ERG: variants seen among roughly 807,000 people sequenced by gnomAD.
The protein encoded by ERG is ETS transcription factor ERG.
A neutral mutation model predicts 55.3 loss-of-function variants in ERG; 9 were observed. That is an observed-to-expected ratio of 0.16 (90% confidence interval 0.10 to 0.28). The LOEUF is 0.28. Among genes scored for constraint, ERG ranks in the 10% least tolerant of loss-of-function variants. The pLI is 1.00. For synonymous variants in ERG, 223 were observed against 237.3 expected (o/e 0.94, Z 0.55); for missense variants, 434 against 631.6 (o/e 0.69, Z 3.35).
At chr21:38,461,308 A>G (rs1231777048) in intron 1 of ERG, among the ~76,000 whole-genome samples, 3 of 152,032 alleles carry the variant, frequency 2.0e-5, no homozygotes, top group Non-Finnish European at 2.9e-5. Flanking sequence ...CTCTTTTTAT[A>G]AGGACATCAG....
intron 1 of ERG, among the ~76,000 whole-genome samples, chr21:38,581,533 A>T (rs561866876): frequency 8.3e-4 from 127 of 152,348 alleles, no homozygotes; most frequent in Admixed American, 2.5e-3. Flanking sequence ...ATTGCAAGAA[A>T]GAGTGAGTCT....
chr21:38,554,591 T>C (rs1226869340), intron 2 of ERG, among the ~76,000 whole-genome samples: 14 of 152,102 alleles, frequency 9.2e-5, no homozygotes, highest in Admixed American at 9.2e-4. Flanking sequence ...AAATACCACA[T>C]GTTTTCACTT....
chr21:38,572,098 T>C (rs911637546), intron 2 of ERG, among the ~76,000 whole-genome samples: 1 of 151,804 alleles, frequency 6.6e-6, no homozygotes, highest in African/African-American at 2.4e-5. Flanking sequence ...GGCTCACGCC[T>C]GTAATCCCAG....
chr21:38,433,849 G>A lies in ERG; in HGVS notation c.237-10288C>T, dbSNP rs570702626. ...TCAATATGTCTTCTTCTTTGAGTCA[G>A]TGGAGGCAAACCCGCTAATCCTGTC... On this transcript the variant is annotated intron_variant, in intron 2 of 9. Coordinates refer to ENST00000288319, the MANE Select transcript of ERG (RefSeq NM_182918.4). Among the ~76,000 whole-genome samples the A allele has an allele frequency of 2.6e-5, 4 of 152,304 alleles. No homozygotes were observed. In the East Asian group the frequency reaches 7.7e-4, roughly 29 times the overall value.
chr21:38,650,457 G>A (rs546759366), intron 1 of ERG, among the ~76,000 whole-genome samples: 16 of 152,192 alleles, frequency 1.1e-4, no homozygotes, highest in South Asian at 4.2e-4. Flanking sequence ...GCAACATGGC[G>A]AAACCCTGTC....
chr21:38,619,010 C>CAAAGTAG (rs2060274856), intron 1 of ERG, among the ~76,000 whole-genome samples: 5 of 152,204 alleles, frequency 3.3e-5, no homozygotes, highest in Non-Finnish European at 5.9e-5. Flanking sequence ...CAACCAGGGT[C>CAAAGTAG]ATGCAAAGCC....
At chr21:38,470,088 C>A (rs566900886) in intron 1 of ERG, among the ~76,000 whole-genome samples, 70 of 152,302 alleles carry the variant, frequency 4.6e-4, no homozygotes, top group Admixed American at 8.5e-4. Flanking sequence ...ACCCACTGCA[C>A]AGCTGCTGAA....
intron 2 of ERG, among the ~76,000 whole-genome samples, chr21:38,558,802 T>C (rs1365305804): frequency 6.6e-6 from 1 of 152,104 alleles, no homozygotes; most frequent in Non-Finnish European, 1.5e-5. Flanking sequence ...CCAAAAACAC[T>C]TAAAAGCCAC....
At chr21:38,369,958 A>G in the ERG span, among the ~76,000 whole-genome samples, 1 of 151,936 alleles carries the variant, frequency 6.6e-6, no homozygotes, top group Non-Finnish European at 1.5e-5. Flanking sequence ...TGGGTTCTCT[A>G]TTCTGTTCCA....
intron 2 of ERG, among the ~76,000 whole-genome samples, chr21:38,443,894 G>A (rs1050739266): frequency 6.6e-6 from 1 of 152,158 alleles, no homozygotes; most frequent in South Asian, 2.1e-4. Context: ...GATTCAAGAT[G>A]GGCCTGCCTC....
intron 2 of ERG, among the ~76,000 whole-genome samples, chr21:38,561,455 CT>C (rs770497839): frequency 0.022 from 2,955 of 135,518 alleles, 69 homozygotes; most frequent in African/African-American, 0.067. Flanking sequence ...CTACACAATC[CT>C]TTTTTTTTTT....
chr21:38,628,377 T>C (rs1238436650), intron 1 of ERG, among the ~76,000 whole-genome samples: 2 of 152,140 alleles, frequency 1.3e-5, no homozygotes, highest in South Asian at 2.1e-4. Flanking sequence ...TTAAAAAACA[T>C]TGTCAAGAGC....
At chr21:38,386,705 T>A (rs1160170905) in intron 9 of ERG, among the ~76,000 whole-genome samples, 2 of 152,154 alleles carry the variant, frequency 1.3e-5, no homozygotes, top group Non-Finnish European at 2.9e-5. Context: ...CAAAGAGAAG[T>A]TCTTGAAAGA....
intron 2 of ERG, among the ~76,000 whole-genome samples, chr21:38,516,901 T>C (rs2059556273): frequency 1.3e-5 from 2 of 152,182 alleles, no homozygotes; most frequent in South Asian, 4.1e-4. Flanking sequence ...GCTGGAATAA[T>C]TGGATATCCA....
chr21:38,596,597 C>T lies in ERG; in HGVS notation c.-149-11652G>A, dbSNP rs180686066. ...TACTTGACAGAACTAATCCTTCTGT[C>T]CTGATGACAGAAATTCAACTACACA... On this transcript the variant is annotated intron_variant, in intron 1 of 10. Coordinates refer to the ERG transcript ENST00000398910. 1.9e-3 allele frequency among the ~76,000 whole-genome samples: 296 copies of T among 152,326 alleles called. 1 individual carries two copies. Among genetic ancestry groups the T allele is most frequent in the Non-Finnish European group, 3.4e-3 (228 of 68,034 alleles).
At chr21:38,463,829 T>C (rs1399993223) in intron 1 of ERG, among the ~76,000 whole-genome samples, 1 of 152,228 alleles carries the variant, frequency 6.6e-6, no homozygotes, top group Non-Finnish European at 1.5e-5. Flanking sequence ...AGGCCTGGGA[T>C]GCCCCGTCCA....
chr21:38,648,122 CT>C (rs930970812), intron 1 of ERG, among the ~76,000 whole-genome samples: 5 of 152,122 alleles, frequency 3.3e-5, no homozygotes, highest in Middle Eastern at 3.4e-3. Context: ...ATATGCAATT[CT>C]TTTTTTTAAA....
chr21:38,574,817 C>T (rs953748264), intron 2 of ERG, among the ~76,000 whole-genome samples: 1 of 152,226 alleles, frequency 6.6e-6, no homozygotes, highest in Non-Finnish European at 1.5e-5. Context: ...AAGTGAAGAA[C>T]TGGCCATGCA....
chr21:38,381,027 C>T lies in ERG; in HGVS notation c.*2376G>A. 2 of 1,064,562 alleles carry T rather than the reference C, an allele frequency of 1.9e-6. No homozygotes were observed. Among genetic ancestry groups the T allele is most frequent in the Non-Finnish European group, 2.3e-6 (2 of 878,806 alleles). 65.9% of individuals were successfully genotyped at this position (1,064,562 alleles called of 1,614,324 possible). A position where few individuals can be genotyped will look rare whatever the true frequency, so the allele number is the denominator to read the frequency against. ...TTTATTTTCCCTAAGGAGATACGGG[C>T]ACTTTGTGGGCCTTCCCAGGCTGCT... On this transcript the variant is annotated 3_prime_UTR_variant, in exon 10 of 10. Coordinates refer to ENST00000288319, the MANE Select transcript of ERG (RefSeq NM_182918.4).
Sources: allele counts gnomAD v4.1 joint callset (sites outside exome capture counted in the v4.1 genomes callset), GRCh38; gene constraint gnomAD v4.1.1; transcripts MANE v1.5; gene names NCBI Gene and HGNC (gene_info 2026-07-23, HGNC 2026-07-21).